PCDHGA1: variants seen among roughly 807,000 people sequenced by gnomAD.
PCDHGA1 encodes protocadherin gamma-A1.
A neutral mutation model predicts 58.0 loss-of-function variants in PCDHGA1; 32 were observed. That is an observed-to-expected ratio of 0.55 (90% CI 0.42 to 0.74). The LOEUF (loss-of-function observed/expected upper bound fraction) is 0.74. Ranked by LOEUF, PCDHGA1 falls within the 30% of genes least tolerant of loss-of-function variation. The probability of loss-of-function intolerance (pLI) is 0.00; values close to 1 mark genes in which losing one functional copy is unlikely to be tolerated. For missense variants in PCDHGA1, 1,205 were observed against 1,182.3 expected (o/e 1.02, Z -0.28); for synonymous variants, 498 against 501.1 (o/e 0.99, Z 0.08).
At chr5:141,354,638 T>C (rs1759597107) in intron 1 of PCDHGA1, among the ~76,000 whole-genome samples, 2 of 152,218 alleles carry the variant, frequency 1.3e-5, no homozygotes, top group South Asian at 4.1e-4. Flanking sequence ...ATCTGTCTCA[T>C]CCATTTTTCA....
rs1038145479 is a variant in PCDHGA1 at position 141,408,047 on chromosome 5, A to G, written c.2421+74942A>G. The G allele has an allele frequency of 5.6e-6, 7 of 1,243,316 alleles. No individual in the cohort carries two copies. In the African/African-American group the frequency reaches 1.1e-4, roughly 19 times the overall value. The allele number at this position is 1,243,316 out of a possible 1,614,324, so 77.0% of individuals were successfully genotyped here. On this transcript the variant is annotated intron_variant, in intron 1 of 3. Coordinates refer to ENST00000517417, the MANE Select transcript of PCDHGA1 (RefSeq NM_018912.3). ...GAAAGAAGAAAACCAGCTCCCACAC[A>G]GAGCCTCCCGGCTGCGCAGACCTTT...
intron 1 of PCDHGA1, chr5:141,371,396 GAT>G (rs1767721375): frequency 6.2e-7 from 1 of 1,613,880 alleles, no homozygotes; most frequent in Non-Finnish European, 8.5e-7. Context: ...GTAAAGTACA[GAT>G]AGATATTTCA....
At position 141,388,343 on chromosome 5, in the gene PCDHGA1, A is replaced by G. The variant is rs2091322753; in HGVS notation, c.2421+55238A>G. ...CTGCACAGCCTGGCACACGATTTAT[A>G]TTAGGATCTGCCCATGATGCGGATA... On this transcript the variant is annotated intron_variant, in intron 1 of 3. Coordinates refer to ENST00000517417, the MANE Select transcript of PCDHGA1 (RefSeq NM_018912.3). 3 of 1,614,008 alleles carry G rather than the reference A, an allele frequency of 1.9e-6. No individual in the cohort carries two copies. The East Asian group carries it at 6.7e-5, about 36-fold the overall frequency.
At chr5:141,394,549 C>T in intron 1 of PCDHGA1, 1 of 1,614,140 alleles carries the variant, frequency 6.2e-7, no homozygotes, top group Non-Finnish European at 8.5e-7. Flanking sequence ...GAGCTGGCGC[C>T]CCGCTCCGCA....
At position 141,403,413 on chromosome 5, in the gene PCDHGA1, T is replaced by G. The variant is rs1467852757; in HGVS notation, c.2421+70308T>G. The G allele has an allele frequency of 1.2e-6, 2 of 1,613,928 alleles. No individual in the cohort carries two copies. Among genetic ancestry groups the G allele is most frequent in the African/African-American group, 2.7e-5 (2 of 74,948 alleles). ...GCGGTTCCTGGAGCACGTTATCCACTTCCAGAAGCTATTGATCCGGATGTT... is the reference window on the plus strand; with the variant it reads ...GCGGTTCCTGGAGCACGTTATCCACGTCCAGAAGCTATTGATCCGGATGTT... On this transcript the variant is annotated intron_variant, in intron 1 of 3. Transcript: ENST00000517417.
At chr5:141,403,251 C>G (rs1276332038) in intron 1 of PCDHGA1, 41 of 1,613,756 alleles carry the variant, frequency 2.5e-5, no homozygotes, top group Non-Finnish European at 3.4e-5. Context: ...GCTCAGAGCC[C>G]GCGGTGTCTG....
At chr5:141,384,052 A>G in intron 1 of PCDHGA1, 1 of 1,611,012 alleles carries the variant, frequency 6.2e-7, no homozygotes, top group Non-Finnish European at 8.5e-7. Context: ...GGTGACCTGC[A>G]CCATTCCAGA....
chr5:141,398,009 C>G (rs1589315775), intron 1 of PCDHGA1: 1 of 1,400,564 alleles, frequency 7.1e-7, no homozygotes, highest in Non-Finnish European at 9.5e-7. Context: ...GAAAAAGAAT[C>G]GTTTCCTAAA....
At chr5:141,351,367 C>A (rs1253333383) in intron 1 of PCDHGA1, 7 of 1,612,708 alleles carry the variant, frequency 4.3e-6, no homozygotes, top group Non-Finnish European at 1.7e-6. Flanking sequence ...AAGTGCGAGA[C>A]AAGGATTCTG....
chr5:141,492,303 G>A (rs969991314), intron 1 of PCDHGA1, among the ~76,000 whole-genome samples: 1 of 152,202 alleles, frequency 6.6e-6, no homozygotes, highest in African/African-American at 2.4e-5. Context: ...GCGGACGCAC[G>A]CACGCACTCC....
intron 1 of PCDHGA1, chr5:141,422,543 T>A: frequency 3.1e-6 from 5 of 1,614,000 alleles, no homozygotes; most frequent in Non-Finnish European, 4.2e-6. Flanking sequence ...GAAACTCATG[T>A]CTGGCTGAAT....
intron 1 of PCDHGA1, chr5:141,405,038 G>C: frequency 6.2e-7 from 1 of 1,613,964 alleles, no homozygotes; most frequent in Non-Finnish European, 8.5e-7. Context: ...CCTCGTTGTG[G>C]CTGTGGCAGT....
rs531352412 is a variant in PCDHGA1, at chr5:141,382,380, A to G, written c.2421+49275A>G. ...AATAAAATTTACCTTTTTGCCTTCAATAACTGATTTTCCCATGTGCAATAA... is the reference window on the plus strand; with the variant it reads ...AATAAAATTTACCTTTTTGCCTTCAGTAACTGATTTTCCCATGTGCAATAA... On this transcript the variant is annotated intron_variant, in intron 1 of 3. Coordinates refer to ENST00000517417, the MANE Select transcript of PCDHGA1 (RefSeq NM_018912.3). 3.3e-5 allele frequency among the ~76,000 whole-genome samples: 5 copies of G among 152,324 alleles called. No individual in the cohort carries two copies. The South Asian group carries it at 8.3e-4, about 25-fold the overall frequency.
At chr5:141,433,111 C>T (rs2097569323) in intron 1 of PCDHGA1, 1 of 1,613,966 alleles carries the variant, frequency 6.2e-7, no homozygotes, top group African/African-American at 1.3e-5. Context: ...GCCAGGAGAG[C>T]TTTGAAAAAA....
chr5:141,474,180 A>G (rs763042503), intron 1 of PCDHGA1, among the ~76,000 whole-genome samples: 4 of 152,240 alleles, frequency 2.6e-5, no homozygotes, highest in Non-Finnish European at 4.4e-5. Context: ...TGAGAAAACT[A>G]CTTACATTTT....
Position 141,432,099 on chromosome 5 carries a change from A to G in PCDHGA1, c.2422-62708A>G. On this transcript the variant is annotated intron_variant, in intron 1 of 3. Transcript: ENST00000517417. This position sits in a 1 kb window ranked among gnomAD's most constrained non-coding sequence, Gnocchi z 6.0. ...TCGCTGAACGTGGCAGACACCAACG[A>G]CAACCCGCCGGTCTTCCCTCAGGCC... 6.2e-7 allele frequency: 1 copy of G among 1,614,102 alleles called. No homozygotes were observed. The highest frequency in any genetic ancestry group is 1.1e-5 in the South Asian group (1 of 91,070).
intron 1 of PCDHGA1, chr5:141,423,846 C>G: frequency 1.6e-6 from 2 of 1,278,968 alleles, no homozygotes; most frequent in Non-Finnish European, 2.0e-6. Flanking sequence ...GATAATCTTT[C>G]AGAACGTTTT....
At chr5:141,447,649 T>C (rs909020761) in intron 1 of PCDHGA1, among the ~76,000 whole-genome samples, 1 of 152,206 alleles carries the variant, frequency 6.6e-6, no homozygotes, top group Non-Finnish European at 1.5e-5. Context: ...TGGTAGAATT[T>C]TCCCCCCCAG....
rs77976889 is a variant in PCDHGA1, at chr5:141,493,704, G to C, written c.2422-1103G>C. On this transcript the variant is annotated intron_variant, in intron 1 of 3. Transcript: ENST00000517417. This position sits in a 1 kb window ranked among gnomAD's most constrained non-coding sequence, Gnocchi z 4.3. ...GTGCTGGTGACTCCCGATACACCTG[G>C]AATGCTAGGTTTCTGGGTTCTGCTC... Among the ~76,000 whole-genome samples the C allele has an allele frequency of 1.7e-3, 258 of 152,278 alleles. 2 individuals are homozygous for C. The highest frequency in any genetic ancestry group is 5.7e-3 in the African/African-American group (237 of 41,540).
Sources: gnomAD v4.1 joint callset for allele counts (sites outside exome capture counted in the v4.1 genomes callset) on GRCh38, gnomAD v4.1.1 for gene constraint, Gnocchi (gnomAD v3.1) non-coding constraint, MANE v1.5 for transcripts, NCBI Gene and HGNC (gene_info 2026-07-23, HGNC 2026-07-21) for gene names.